BCL2: variants seen among roughly 807,000 people sequenced by gnomAD.
BCL2 encodes the protein apoptosis regulator Bcl-2.
BCL2 carries 1 observed loss-of-function variant against 14.2 expected under a neutral mutation model. The ratio of observed to expected loss-of-function variants is 0.07; its 90% CI spans 0.02 to 0.33. The LOEUF is 0.33. Among genes scored for constraint, BCL2 ranks in the 10% least tolerant of loss-of-function variants. BCL2 has a pLI of 0.99. For missense variants in BCL2, 247 were observed against 305.9 expected, an observed-to-expected ratio of 0.81 and a Z score of 1.44; for synonymous variants, 151 against 137.2, an observed-to-expected ratio of 1.10 and a Z score of -0.70.
chr18:63,280,000 G>A (rs1032874768), intron 2 of BCL2, among the ~76,000 whole-genome samples: 4 of 152,178 alleles, frequency 2.6e-5, no homozygotes, highest in African/African-American at 7.2e-5. Context: ...TATGGGGGCT[G>A]GCAATGCCCT....
chr18:63,240,801 C>T (rs1599263664), intron 2 of BCL2, among the ~76,000 whole-genome samples: 1 of 152,316 alleles, frequency 6.6e-6, no homozygotes, highest in South Asian at 2.1e-4. Context: ...CATGACTTGT[C>T]TCTGTTATTT....
chr18:63,171,263 C>G (rs1915214570), intron 2 of BCL2, among the ~76,000 whole-genome samples: 1 of 152,176 alleles, frequency 6.6e-6, no homozygotes, highest in Admixed American at 6.5e-5. Flanking sequence ...AAAACCAACA[C>G]CTTAATTTCT....
chr18:63,273,812 G>C (rs1912071768), intron 2 of BCL2, among the ~76,000 whole-genome samples: 1 of 152,158 alleles, frequency 6.6e-6, no homozygotes, highest in African/African-American at 2.4e-5. Context: ...AACTTCACAG[G>C]TGATGGTGGC....
chr18:63,301,399 A>G (rs1568263273), intron 2 of BCL2, among the ~76,000 whole-genome samples: 1 of 152,248 alleles, frequency 6.6e-6, no homozygotes, highest in East Asian at 1.9e-4. Flanking sequence ...TTTTATGTAT[A>G]TCTTAACTCA....
intron 2 of BCL2, chr18:63,317,799 G>C (rs1913542577): frequency 4.6e-6 from 6 of 1,315,792 alleles, no homozygotes; most frequent in Non-Finnish European, 5.8e-6. Flanking sequence ...AACACTGAAG[G>C]GGTACCATTT....
rs146727158 is a variant in BCL2 at position 63,191,011 on chromosome 18, G to A, written c.586-62252C>T. On this transcript the variant is annotated intron_variant, in intron 2 of 2. Coordinates refer to ENST00000333681, the MANE Select transcript of BCL2 (RefSeq NM_000633.3). ...GATGATGGCTTCCAGCTTCATCTATGTCCCTGCAAAGGACATGATCTTATT... is the reference window on the plus strand; with the variant it reads ...GATGATGGCTTCCAGCTTCATCTATATCCCTGCAAAGGACATGATCTTATT... Among the ~76,000 whole-genome samples the A allele has an allele frequency of 8.5e-4, 130 of 152,230 alleles. No homozygotes were observed. In the East Asian group the frequency reaches 0.023, roughly 27 times the overall value.
At chr18:63,219,041 T>C (rs1378285909) in intron 2 of BCL2, among the ~76,000 whole-genome samples, 1 of 152,234 alleles carries the variant, frequency 6.6e-6, no homozygotes, top group Non-Finnish European at 1.5e-5. Context: ...CAACACTTTA[T>C]GTGACTCCAT....
At chr18:63,201,095 G>A (rs921314587) in intron 2 of BCL2, among the ~76,000 whole-genome samples, 5 of 152,168 alleles carry the variant, frequency 3.3e-5, no homozygotes, top group African/African-American at 9.7e-5. Context: ...GGGGGTCCAC[G>A]GTCTTGATGA....
intron 2 of BCL2, among the ~76,000 whole-genome samples, chr18:63,198,287 GAC>G (rs1365970996): frequency 2.2e-5 from 3 of 137,872 alleles, no homozygotes; most frequent in African/African-American, 5.5e-5. Flanking sequence ...GACACACATA[GAC>G]ACAGAGACAC....
At chr18:63,201,393 G>A (rs1909688743) in intron 2 of BCL2, among the ~76,000 whole-genome samples, 1 of 152,086 alleles carries the variant, frequency 6.6e-6, no homozygotes, top group Non-Finnish European at 1.5e-5. Context: ...AGTACCTTGG[G>A]GGAATCTCCT....
intron 2 of BCL2, among the ~76,000 whole-genome samples, chr18:63,188,943 A>G (rs1019237207): frequency 6.6e-6 from 1 of 150,692 alleles, no homozygotes; most frequent in Admixed American, 6.6e-5. Context: ...ATTTTATTTC[A>G]TATCAGTTTA....
At chr18:63,202,105 T>A (rs1909711834) in intron 2 of BCL2, among the ~76,000 whole-genome samples, 1 of 152,028 alleles carries the variant, frequency 6.6e-6, no homozygotes, top group Admixed American at 6.6e-5. Flanking sequence ...GGTCAGGAGT[T>A]TCTGACCAGC....
intron 2 of BCL2, among the ~76,000 whole-genome samples, chr18:63,249,446 C>A (rs1911242299): frequency 6.6e-6 from 1 of 152,140 alleles, no homozygotes; most frequent in Non-Finnish European, 1.5e-5. Context: ...GTGGCTCACA[C>A]CTGTAATCCC....
intron 2 of BCL2, among the ~76,000 whole-genome samples, chr18:63,244,988 A>G (rs1568245137): frequency 6.6e-6 from 1 of 152,172 alleles, no homozygotes; most frequent in Non-Finnish European, 1.5e-5. Flanking sequence ...TGCACGTCCT[A>G]AAGGTTTCTT....
chr18:63,161,313 T>C (rs937363190), intron 2 of BCL2, among the ~76,000 whole-genome samples: 7 of 152,266 alleles, frequency 4.6e-5, no homozygotes, highest in African/African-American at 1.4e-4. Context: ...TCTTGTCTTC[T>C]GTATATTTTT....
chr18:63,168,218 A>T (rs1294260015), intron 2 of BCL2, among the ~76,000 whole-genome samples: 1 of 152,104 alleles, frequency 6.6e-6, no homozygotes, highest in Non-Finnish European at 1.5e-5. Flanking sequence ...TGCCAAAGTG[A>T]AGTCTGACAA....
intron 2 of BCL2, among the ~76,000 whole-genome samples, chr18:63,130,990 A>T (rs1914052089): frequency 6.6e-6 from 1 of 152,064 alleles, no homozygotes; most frequent in Non-Finnish European, 1.5e-5. Flanking sequence ...GACATTTGGC[A>T]ATGTTTGGAA....
chr18:63,207,814 A>T (rs1909882595), intron 2 of BCL2: 1 of 152,256 alleles, frequency 6.6e-6, no homozygotes, highest in South Asian at 2.1e-4. Context: ...CTGAAAGGAA[A>T]GTTGGACTAT....
chr18:63,159,923 A>C (rs778284296), intron 2 of BCL2, among the ~76,000 whole-genome samples: 3 of 152,216 alleles, frequency 2.0e-5, no homozygotes, highest in Non-Finnish European at 4.4e-5. Flanking sequence ...GGTCATTTAC[A>C]TCGTGTCCAC....
Sources: gnomAD v4.1 joint callset for allele counts (sites outside exome capture counted in the v4.1 genomes callset) on GRCh38, gnomAD v4.1.1 for gene constraint, MANE v1.5 for transcripts, NCBI Gene and HGNC (gene_info 2026-07-23, HGNC 2026-07-21) for gene names.